SPATA17: variants seen among roughly 807,000 people sequenced by gnomAD.
SPATA17 encodes the protein spermatogenesis-associated protein 17.
SPATA17 carries 53 observed loss-of-function variants against 62.2 expected under a neutral mutation model. That is an observed-to-expected ratio of 0.85 (90% CI 0.68 to 1.07). SPATA17 has a LOEUF of 1.07. SPATA17 is among the 50% of genes least tolerant of loss of function. The pLI is 0.00. For missense variants in SPATA17, 466 were observed against 425.5 expected (o/e 1.10, Z -0.84); for synonymous variants, 146 against 146.8 (o/e 0.99, Z 0.04).
intron 1 of SPATA17, among the ~76,000 whole-genome samples, chr1:217,636,392 A>G (rs1669941187): frequency 6.6e-6 from 1 of 150,418 alleles, no homozygotes; most frequent in African/African-American, 2.5e-5. Flanking sequence ...GAACAAAATT[A>G]TTATTATTAT....
In SPATA17 at chr1:217,770,978, A is replaced by AATTTTT. The variant is rs1553251071; in HGVS notation, c.520-3356_520-3355insATTTTT. On this transcript the variant is annotated intron_variant, in intron 6 of 10. Transcript: ENST00000366933. ...ATGTATCTATTATATAACTCATTGCATTTTTTTTTTTTTTTTTTTTTTTTT... is the reference window on the plus strand; with the variant it reads ...ATGTATCTATTATATAACTCATTGCAATTTTTTTTTTTTTTTTTTTTTTTTTTTTTT... Among the ~76,000 whole-genome samples the AATTTTT allele has an allele frequency of 2.3e-3, 115 of 50,172 alleles. 20 individuals are homozygous for AATTTTT. The highest frequency in any genetic ancestry group is 3.0e-3 in the Non-Finnish European group (90 of 30,438). The allele number at this position is 50,172 out of a possible 152,430, so 32.9% of individuals were successfully genotyped here.
At chr1:217,847,181 G>T (rs2103009551) in intron 9 of SPATA17, among the ~76,000 whole-genome samples, 1 of 151,914 alleles carries the variant, frequency 6.6e-6, no homozygotes, top group East Asian at 1.9e-4. Context: ...AAATAATAAT[G>T]AAATAATATA....
chr1:217,826,083 C>A (rs556798483), intron 9 of SPATA17, among the ~76,000 whole-genome samples: 1 of 152,150 alleles, frequency 6.6e-6, no homozygotes. Context: ...AGATGGGTGG[C>A]TTTAACAAGA....
In SPATA17 at chr1:217,793,215, G is replaced by GTTTTTTT. The variant is rs376041446; in HGVS notation, c.873-8498_873-8497insTTTTTTT. Among the ~76,000 whole-genome samples the GTTTTTTT allele has an allele frequency of 1.7e-4, 19 of 114,638 alleles. 2 individuals carry two copies. Among genetic ancestry groups the GTTTTTTT allele is most frequent in the East Asian group, 2.8e-4 (1 of 3,524 alleles). 75.2% of individuals were successfully genotyped at this position (114,638 alleles called of 152,430 possible). A position where few individuals can be genotyped will look rare whatever the true frequency, so the allele number is the denominator to read the frequency against. ...GAATTGCTTTAATGTTAGGGCAGTGGTTTTTGTTTTTTTTTTTTTTTTTGA... is the reference window on the plus strand; with the variant it reads ...GAATTGCTTTAATGTTAGGGCAGTGGTTTTTTTTTTTTGTTTTTTTTTTTTTTTTTGA... On this transcript the variant is annotated intron_variant, in intron 8 of 10. Transcript: ENST00000366933.
chr1:217,858,075 G>T (rs1029874787), intron 9 of SPATA17, among the ~76,000 whole-genome samples: 1 of 152,060 alleles, frequency 6.6e-6, no homozygotes, highest in Non-Finnish European at 1.5e-5. Context: ...CAGAAATGAA[G>T]AAAATATTAG....
At chr1:217,648,595 C>G (rs1670240520) in intron 1 of SPATA17, among the ~76,000 whole-genome samples, 1 of 151,970 alleles carries the variant, frequency 6.6e-6, no homozygotes. Flanking sequence ...TTACTTACTC[C>G]CTAATAAAAA....
At chr1:217,789,929 C>T (rs912666639) in intron 8 of SPATA17, among the ~76,000 whole-genome samples, 2 of 151,934 alleles carry the variant, frequency 1.3e-5, no homozygotes, top group African/African-American at 2.4e-5. Flanking sequence ...CCCAGCTACT[C>T]GGGAGGCTGA....
At chr1:217,831,287 G>A (rs746475876) in intron 9 of SPATA17, among the ~76,000 whole-genome samples, 2 of 152,034 alleles carry the variant, frequency 1.3e-5, no homozygotes, top group East Asian at 1.9e-4. Flanking sequence ...TTGCCTGTAA[G>A]CAGCATTAGA....
At chr1:217,707,072 G>C (rs910878472) in intron 5 of SPATA17, among the ~76,000 whole-genome samples, 2 of 151,978 alleles carry the variant, frequency 1.3e-5, no homozygotes, top group South Asian at 4.2e-4. Flanking sequence ...TCACCGTATT[G>C]GTCCGGCTTG....
intron 1 of SPATA17, among the ~76,000 whole-genome samples, chr1:217,633,469 G>T (rs1241886437): frequency 6.6e-6 from 1 of 151,998 alleles, no homozygotes; most frequent in African/African-American, 2.4e-5. Flanking sequence ...TAATTGGCCA[G>T]GCACAGTGGC....
At chr1:217,644,683 GA>G (rs368131652) in intron 1 of SPATA17, among the ~76,000 whole-genome samples, 9 of 151,548 alleles carry the variant, frequency 5.9e-5, no homozygotes, top group African/African-American at 1.9e-4. Flanking sequence ...GGCCACTAAT[GA>G]TATACATGAA....
At chr1:217,759,722 G>C (rs1322361467) in intron 6 of SPATA17, among the ~76,000 whole-genome samples, 1 of 152,100 alleles carries the variant, frequency 6.6e-6, no homozygotes, top group East Asian at 1.9e-4. Context: ...AATATTATAG[G>C]CAAGGAAATC....
intron 3 of SPATA17, among the ~76,000 whole-genome samples, chr1:217,661,762 T>G (rs1027408834): frequency 6.6e-5 from 10 of 152,156 alleles, no homozygotes; most frequent in African/African-American, 2.4e-4. Flanking sequence ...ATTCTCCTTT[T>G]TATTGGTAAC....
chr1:217,701,935 A>C (rs1024400512), intron 5 of SPATA17, among the ~76,000 whole-genome samples: 3 of 151,860 alleles, frequency 2.0e-5, no homozygotes, highest in Non-Finnish European at 4.4e-5. Flanking sequence ...TTGTGACTTT[A>C]GTTCTATCAT....
intron 5 of SPATA17, among the ~76,000 whole-genome samples, chr1:217,714,403 A>T (rs929180378): frequency 7.9e-5 from 12 of 151,966 alleles, no homozygotes; most frequent in African/African-American, 2.7e-4. Context: ...AAAACAAACA[A>T]GCAAAATATC....
At chr1:217,773,334 GAC>G (rs1673501286) in intron 6 of SPATA17, among the ~76,000 whole-genome samples, 1 of 151,980 alleles carries the variant, frequency 6.6e-6, no homozygotes, top group African/African-American at 2.4e-5. Context: ...TGTCTACAAA[GAC>G]ACCAAATAAG....
At chr1:217,853,732 T>C (rs1675715007) in intron 9 of SPATA17, among the ~76,000 whole-genome samples, 1 of 152,198 alleles carries the variant, frequency 6.6e-6, no homozygotes, top group African/African-American at 2.4e-5. Context: ...AATAGTGTTT[T>C]ATGTGTGCTT....
chr1:217,812,214 G>A (rs549854785), intron 9 of SPATA17, among the ~76,000 whole-genome samples: 9 of 152,212 alleles, frequency 5.9e-5, no homozygotes, highest in African/African-American at 1.2e-4. Context: ...AACCAATTGT[G>A]TTAAAAGGTG....
intron 9 of SPATA17, among the ~76,000 whole-genome samples, chr1:217,839,734 C>A (rs1002910263): frequency 6.6e-6 from 1 of 151,070 alleles, no homozygotes; most frequent in African/African-American, 2.4e-5. Flanking sequence ...ATGTATAATA[C>A]AACATAGGGG....
Sources: allele counts gnomAD v4.1 joint callset (sites outside exome capture counted in the v4.1 genomes callset), GRCh38; gene constraint gnomAD v4.1.1; transcripts MANE v1.5; gene names NCBI Gene and HGNC (gene_info 2026-07-23, HGNC 2026-07-21).